Variants in PTGR1 observed in about 807,000 individuals in gnomAD.
PTGR1 encodes the protein 15-oxoprostaglandin 13-reductase.
PTGR1 carries 23 observed loss-of-function variants against 37.7 expected under a neutral mutation model. That is an observed-to-expected ratio of 0.61 (90% CI 0.44 to 0.86). The LOEUF is 0.86. Ranked by LOEUF, PTGR1 falls within the 40% of genes least tolerant of loss-of-function variation. The pLI, the probability that PTGR1 is intolerant of heterozygous loss-of-function variation, is 0.00. For synonymous variants in PTGR1, 134 were observed against 140.0 expected (o/e 0.96, Z 0.30); for missense variants, 351 against 394.3 (o/e 0.89, Z 0.93).
intron 4 of PTGR1, chr9:111,589,382 G>A (rs927738454): frequency 4.5e-6 from 4 of 889,576 alleles, no homozygotes; most frequent in Non-Finnish European, 5.4e-6. Context: ...ATAATAACTG[G>A]CTAGTCATTG....
At chr9:111,572,620 G>A (rs1343230873) in intron 8 of PTGR1, among the ~76,000 whole-genome samples, 1 of 150,964 alleles carries the variant, frequency 6.6e-6, no homozygotes, top group African/African-American at 2.4e-5. Context: ...AGCCAGGTAT[G>A]GTGGCACATG....
intron 9 of PTGR1, among the ~76,000 whole-genome samples, chr9:111,568,894 A>T (rs1477343023): frequency 6.6e-6 from 1 of 152,114 alleles, no homozygotes; most frequent in Non-Finnish European, 1.5e-5. Flanking sequence ...GAGGTGGGAG[A>T]AGTGTTCAGA....
intron 9 of PTGR1, chr9:111,563,450 G>C (rs550804134): frequency 2.3e-6 from 1 of 429,946 alleles, no homozygotes; most frequent in Non-Finnish European, 4.1e-6. Flanking sequence ...AGAAATAATA[G>C]GTGTCGGATC....
At chr9:111,577,943 A>G (rs1209342485) in intron 7 of PTGR1, 2 of 152,114 alleles carry the variant, frequency 1.3e-5, no homozygotes, top group Admixed American at 1.3e-4. Flanking sequence ...ATAAGAGACC[A>G]CTTTTAGTGG....
intron 9 of PTGR1, chr9:111,564,319 A>ATTATTC (rs952911320): frequency 3.4e-6 from 2 of 588,644 alleles, no homozygotes; most frequent in African/African-American, 4.4e-5. Context: ...TATTATTATT[A>ATTATTC]TTCTGAGACA....
chr9:111,573,767 A>C (rs1239121084), intron 8 of PTGR1, among the ~76,000 whole-genome samples: 1 of 152,174 alleles, frequency 6.6e-6, no homozygotes, highest in South Asian at 2.1e-4. Context: ...AGGCCTGTAC[A>C]AGGCATCTCA....
intron 4 of PTGR1, among the ~76,000 whole-genome samples, chr9:111,586,404 C>T (rs1434946358): frequency 6.6e-6 from 1 of 152,146 alleles, no homozygotes; most frequent in Admixed American, 6.5e-5. Context: ...AGCGCCTGTT[C>T]TCACCCACAT....
downstream of PTGR1, among the ~76,000 whole-genome samples, chr9:111,557,810 T>C (rs1828168053): frequency 2.0e-5 from 3 of 152,200 alleles, no homozygotes; most frequent in South Asian, 6.2e-4. Flanking sequence ...ACAACTTCTT[T>C]ACCCTTGGTA....
intron 9 of PTGR1, among the ~76,000 whole-genome samples, chr9:111,566,485 G>T (rs376893287): frequency 6.6e-6 from 1 of 152,192 alleles, no homozygotes; most frequent in Non-Finnish European, 1.5e-5. Context: ...ATTGGCCAGG[G>T]ATTAGGAAAC....
At chr9:111,595,655 A>T (rs1325034348) in intron 2 of PTGR1, among the ~76,000 whole-genome samples, 1 of 152,028 alleles carries the variant, frequency 6.6e-6, no homozygotes. Flanking sequence ...TTTTTTTGAG[A>T]TGGAGTCTTG....
chr9:111,582,978 C>T (rs1050315460), intron 6 of PTGR1, among the ~76,000 whole-genome samples: 1 of 152,238 alleles, frequency 6.6e-6, no homozygotes, highest in African/African-American at 2.4e-5. Flanking sequence ...CAGACATCTG[C>T]TTAAATCAGA....
chr9:111,566,576 T>TA (rs1828571968), intron 9 of PTGR1, among the ~76,000 whole-genome samples: 1 of 152,210 alleles, frequency 6.6e-6, no homozygotes, highest in African/African-American at 2.4e-5. Context: ...TTACATGGTG[T>TA]AAGGTTTGAA....
rs558451777 is a variant in PTGR1, at chr9:111,599,591, A to C, written c.-11+12T>G. 29 of 152,862 alleles carry C rather than the reference A, an allele frequency of 1.9e-4. No homozygotes were observed. The highest frequency in any genetic ancestry group is 6.5e-4 in the African/African-American group (27 of 41,582). 9.5% of individuals were successfully genotyped at this position (152,862 alleles called of 1,614,324 possible). Reference sequence around the variant, plus strand: ...AGAAAAGGGAAGGAAAGAAAGCAGGAGGTCTACTTACAGGAGCCCGAAGGT... The same window carrying C: ...AGAAAAGGGAAGGAAAGAAAGCAGGCGGTCTACTTACAGGAGCCCGAAGGT... On this transcript the variant is annotated intron_variant, in intron 1 of 9. Coordinates refer to ENST00000407693, the MANE Select transcript of PTGR1 (RefSeq NM_001146108.2).
In PTGR1 at chr9:111,597,326, T is replaced by G; in HGVS notation, c.97A>C (p.Lys33Gln). The change falls in exon 2 of 10, where the codon AAA (lysine) becomes CAA (glutamine). Residue 33 changes from lysine to glutamine, a missense_variant. Lys to Gln is a moderately conservative substitution (Grantham distance 53). Transcript: ENST00000407693. Reference protein sequence around the residue: ...ELKTAELPPLKNGEVLLEALF... With the variant: ...ELKTAELPPLQNGEVLLEALF... ...TTTTAGTATGACTTACCTCCATTTT[T>G]TAAGGGTGGGAGCTCAGCTGTCTTC... 1 of 1,607,044 alleles carries G rather than the reference T, an allele frequency of 6.2e-7. No homozygotes were observed. The highest frequency in any genetic ancestry group is 8.5e-7 in the Non-Finnish European group (1 of 1,174,136).
intron 1 of PTGR1, among the ~76,000 whole-genome samples, chr9:111,598,787 G>T (rs1243865644): frequency 1.3e-5 from 2 of 152,092 alleles, no homozygotes; most frequent in African/African-American, 4.8e-5. Context: ...GAGCCACCGC[G>T]CCAGGCCCTA....
In PTGR1 at chr9:111,597,365, T is replaced by C. The variant is rs1011967978; in HGVS notation, c.58A>G (p.Ser20Gly). Reference protein sequence around the residue: ...KKHFVGYPTNSDFELKTAELP... With the variant: ...KKHFVGYPTNGDFELKTAELP... ...TCAGCTGTCTTCAACTCAAAGTCAC[T>C]ATTAGTAGGATAGCCAACAAAGTGC... Residue 20 changes from serine to glycine, a missense_variant, in exon 2 of 10, where the codon AGT (serine) becomes GGT (glycine). Physicochemically the swap from Ser to Gly is moderately conservative, Grantham distance 56. Coordinates refer to ENST00000407693, the MANE Select transcript of PTGR1 (RefSeq NM_001146108.2). The C allele has an allele frequency of 2.5e-6, 4 of 1,613,574 alleles. No individual in the cohort carries two copies. The highest frequency in any genetic ancestry group is 3.4e-6 in the Non-Finnish European group (4 of 1,179,826).
At chr9:111,588,411 T>C (rs997000211) in intron 4 of PTGR1, among the ~76,000 whole-genome samples, 2 of 152,054 alleles carry the variant, frequency 1.3e-5, no homozygotes, top group African/African-American at 2.4e-5. Flanking sequence ...ATTTGTATAT[T>C]TAGTAGAGAT....
At chr9:111,590,804 A>G (rs563329297) in intron 4 of PTGR1, among the ~76,000 whole-genome samples, 8 of 152,334 alleles carry the variant, frequency 5.3e-5, no homozygotes, top group Admixed American at 2.0e-4. Flanking sequence ...ATACACACGT[A>G]TACATACATA....
chr9:111,569,976 G>C (rs761804937), intron 9 of PTGR1, 115 bp downstream of exon 9: 19 of 1,518,044 alleles, frequency 1.3e-5, no homozygotes, highest in Non-Finnish European at 1.5e-5. Flanking sequence ...GACCCAATAG[G>C]GAAAAACTGA....
Sources: allele counts gnomAD v4.1 joint callset (sites outside exome capture counted in the v4.1 genomes callset), GRCh38; gene constraint gnomAD v4.1.1; transcripts MANE v1.5; gene names NCBI Gene and HGNC (gene_info 2026-07-23, HGNC 2026-07-21).